The following CCNY variants were observed in gnomAD, a reference collection of about 807,000 sequenced individuals.
CCNY encodes cyclin Y.
Under a neutral mutation model 42.8 loss-of-function variants are expected in CCNY, and 19 were observed. That is an observed-to-expected ratio of 0.44 (90% confidence interval 0.31 to 0.65). The LOEUF (loss-of-function observed/expected upper bound fraction) is 0.65. Among genes scored for constraint, CCNY ranks in the 30% least tolerant of loss-of-function variants. The probability of loss-of-function intolerance (pLI) is 0.07; values close to 1 mark genes in which losing one functional copy is unlikely to be tolerated. For synonymous variants in CCNY, 165 were observed against 162.7 expected, an observed-to-expected ratio of 1.01 and a Z score of -0.11; for missense variants, 370 against 437.3, an observed-to-expected ratio of 0.85 and a Z score of 1.37.
chr10:35,312,096 G>A (rs905698980), intron 3 of CCNY, among the ~76,000 whole-genome samples: 3 of 151,992 alleles, frequency 2.0e-5, no homozygotes, highest in Non-Finnish European at 4.4e-5. Flanking sequence ...AATTCATATT[G>A]GCTGGTCGCG....
At chr10:35,463,854 A>G (rs768500843) in intron 1 of CCNY, among the ~76,000 whole-genome samples, 1 of 152,168 alleles carries the variant, frequency 6.6e-6, no homozygotes, top group Admixed American at 6.5e-5. Flanking sequence ...TTGGGAAGTA[A>G]GTTTATGACA....
At chr10:35,487,242 A>G (rs1839806424) in intron 2 of CCNY, among the ~76,000 whole-genome samples, 1 of 152,168 alleles carries the variant, frequency 6.6e-6, no homozygotes, top group Non-Finnish European at 1.5e-5. Context: ...ACAGTAAGGC[A>G]TACTTCTATT....
intron 1 of CCNY, among the ~76,000 whole-genome samples, chr10:35,382,082 G>A (rs896925918): frequency 1.3e-5 from 2 of 152,098 alleles, no homozygotes; most frequent in African/African-American, 4.8e-5. Context: ...ATTCCTTCCT[G>A]GGTGTCTAAT....
At chr10:35,406,225 AT>A (rs1564398867) in intron 1 of CCNY, among the ~76,000 whole-genome samples, 1 of 109,702 alleles carries the variant, frequency 9.1e-6, no homozygotes, top group Non-Finnish European at 1.9e-5. Flanking sequence ...TTATTTATTT[AT>A]TTATTTATTT....
intron 1 of CCNY, among the ~76,000 whole-genome samples, chr10:35,458,246 A>G (rs924416556): frequency 6.6e-6 from 1 of 152,226 alleles, no homozygotes; most frequent in Non-Finnish European, 1.5e-5. Flanking sequence ...CTAAGGCAGC[A>G]TAGCTGTAAC....
At chr10:35,540,971 GT>G (rs1261646024) in intron 7 of CCNY, among the ~76,000 whole-genome samples, 1 of 151,996 alleles carries the variant, frequency 6.6e-6, no homozygotes, top group Non-Finnish European at 1.5e-5. Context: ...TCGACTTTCA[GT>G]TTCATTGATT....
At chr10:35,328,128 G>A (rs952351863) in intron 3 of CCNY, among the ~76,000 whole-genome samples, 1 of 152,112 alleles carries the variant, frequency 6.6e-6, no homozygotes, top group South Asian at 2.1e-4. Context: ...AGTCCCAAAG[G>A]GATAATAAAC....
At chr10:35,439,971 C>G (rs1296652106) in intron 1 of CCNY, among the ~76,000 whole-genome samples, 1 of 151,792 alleles carries the variant, frequency 6.6e-6, no homozygotes, top group Non-Finnish European at 1.5e-5. Context: ...CTGGTTATTA[C>G]TGGCAGTGGA....
chr10:35,397,981 G>A (rs939262334), intron 1 of CCNY, among the ~76,000 whole-genome samples: 1 of 152,206 alleles, frequency 6.6e-6, no homozygotes, highest in Non-Finnish European at 1.5e-5. Context: ...GAGGGAAGGG[G>A]AGGCACAGTG....
chr10:35,263,356 C>CAAAAAAA (rs71523372), intron 3 of CCNY, among the ~76,000 whole-genome samples: 13 of 44,286 alleles, frequency 2.9e-4, no homozygotes, highest in Non-Finnish European at 4.1e-4. Flanking sequence ...GACTCCGTCT[C>CAAAAAAA]AAAAAAAAAA....
At chr10:35,522,623 A>G (rs2135415261) in intron 4 of CCNY, among the ~76,000 whole-genome samples, 1 of 152,224 alleles carries the variant, frequency 6.6e-6, no homozygotes, top group Non-Finnish European at 1.5e-5. Flanking sequence ...CTACTCCAAA[A>G]CTAAAGAGGG....
intron 1 of CCNY, among the ~76,000 whole-genome samples, chr10:35,339,063 G>A (rs1207942426): frequency 6.6e-6 from 1 of 152,170 alleles, no homozygotes; most frequent in African/African-American, 2.4e-5. Flanking sequence ...AGAGTATAGG[G>A]CAGGTTTCCA....
chr10:35,368,845 T>C (rs1188013369), intron 1 of CCNY, among the ~76,000 whole-genome samples: 2 of 150,940 alleles, frequency 1.3e-5, no homozygotes, highest in Non-Finnish European at 3.0e-5. Flanking sequence ...TGGCTTTTCT[T>C]AACCGGTGCT....
chr10:35,447,906 A>G (rs1326628611), intron 1 of CCNY, among the ~76,000 whole-genome samples: 2 of 152,216 alleles, frequency 1.3e-5, no homozygotes, highest in Admixed American at 6.5e-5. Context: ...CAAAAAATGT[A>G]GGCCTGCCCC....
intron 1 of CCNY, among the ~76,000 whole-genome samples, chr10:35,390,210 T>A (rs1274841093): frequency 6.6e-6 from 1 of 152,234 alleles, no homozygotes; most frequent in East Asian, 1.9e-4. Flanking sequence ...TCAATTAGTT[T>A]TGACCTTGTC....
rs1051161053 is a variant in CCNY, at chr10:35,530,832, G to A, written c.579+589G>A. Among the ~76,000 whole-genome samples the A allele has an allele frequency of 1.3e-5, 2 of 152,172 alleles. No individual in the cohort carries two copies. The highest frequency in any genetic ancestry group is 4.8e-5 in the African/African-American group (2 of 41,462). On this transcript the variant is annotated intron_variant, in intron 7 of 9. Coordinates refer to ENST00000374704, the MANE Select transcript of CCNY (RefSeq NM_145012.6). This position sits in a 1 kb window ranked among gnomAD's most constrained non-coding sequence, Gnocchi z 4.3. The stretch of plus-strand genomic sequence containing the variant: ...CACGTCAGTAATTTCAGCACTTTGG[G>A]AGGTCAAGGTGGGAGGATCACTTGA...
At chr10:35,268,381 G>T (rs1337917177) in intron 3 of CCNY, among the ~76,000 whole-genome samples, 4 of 152,304 alleles carry the variant, frequency 2.6e-5, no homozygotes, top group Admixed American at 6.5e-5. Flanking sequence ...CAATCTTAAG[G>T]CTTGAATACA....
intron 1 of CCNY, among the ~76,000 whole-genome samples, chr10:35,435,876 A>G (rs1289723277): frequency 6.6e-6 from 1 of 152,166 alleles, no homozygotes; most frequent in South Asian, 2.1e-4. Context: ...TAAGATGTTT[A>G]AGTTCCTCCT....
chr10:35,464,984 A>G (rs936357833), intron 1 of CCNY, among the ~76,000 whole-genome samples: 6 of 152,112 alleles, frequency 3.9e-5, no homozygotes, highest in African/African-American at 1.4e-4. Context: ...TCCAAGTGGT[A>G]TTTTTCCCGT....
Sources: gnomAD v4.1 joint callset for allele counts (sites outside exome capture counted in the v4.1 genomes callset) on GRCh38, gnomAD v4.1.1 for gene constraint, Gnocchi (gnomAD v3.1) non-coding constraint, MANE v1.5 for transcripts, NCBI Gene and HGNC (gene_info 2026-07-23, HGNC 2026-07-21) for gene names.